The following CCND1 variants were observed in gnomAD, a reference collection of about 807,000 sequenced individuals.
CCND1 encodes G1/S-specific cyclin-D1.
In CCND1, 9 loss-of-function variants were observed where a neutral mutation model predicts 26.1. The observed-to-expected ratio is 0.35, with a 90% CI of 0.21 to 0.60. The LOEUF is 0.60. Among genes scored for constraint, CCND1 ranks in the 20% least tolerant of loss-of-function variants. The pLI is 0.79. For missense variants in CCND1, 335 were observed against 392.9 expected (o/e 0.85, Z 1.25); for synonymous variants, 194 against 166.1 (o/e 1.17, Z -1.29).
intron 4 of CCND1, among the ~76,000 whole-genome samples, chr11:69,649,243 G>A (rs1413019568): frequency 4.6e-5 from 7 of 152,194 alleles, no homozygotes; most frequent in South Asian, 2.1e-4. Flanking sequence ...AATGAAACTC[G>A]CGTCTGCACT....
chr11:69,649,270 A>G (rs1855825283), intron 4 of CCND1, among the ~76,000 whole-genome samples: 1 of 151,984 alleles, frequency 6.6e-6, no homozygotes, highest in Non-Finnish European at 1.5e-5. Context: ...TTCGAACTCC[A>G]CGCCCTGAGT....
At chr11:69,648,231 GC>G (rs1590915468) in intron 4 of CCND1, 89 bp downstream of exon 4, 8 of 1,497,630 alleles carry the variant, frequency 5.3e-6, no homozygotes, top group Admixed American at 3.6e-5. Context: ...TGGTGCCAAG[GC>G]CCCCAAGGGT....
In CCND1 at chr11:69,647,815, C is replaced by G. The variant is rs182399526; in HGVS notation, c.575-179C>G. The G allele has an allele frequency of 8.5e-5, 56 of 654,978 alleles. No individual in the cohort carries two copies. In the East Asian group the frequency reaches 1.3e-3, roughly 15 times the overall value. The allele number at this position is 654,978 out of a possible 1,614,324, so 40.6% of individuals were successfully genotyped here. The stretch of plus-strand genomic sequence containing the variant: ...GGTCCGTGGGCCAGGCTCTTGCTCT[C>G]CGAGTGCCCAGGGATGGCTGGAGGC... On this transcript the variant is annotated intron_variant, in intron 3 of 4. Coordinates refer to ENST00000227507, the MANE Select transcript of CCND1 (RefSeq NM_053056.3).
intron 4 of CCND1, among the ~76,000 whole-genome samples, chr11:69,649,768 G>A (rs1459322712): frequency 2.6e-5 from 4 of 152,248 alleles, no homozygotes; most frequent in South Asian, 2.1e-4. Context: ...GGTCATGGGC[G>A]AGGGACGGGC....
rs1454450316 is a variant in CCND1, at chr11:69,652,180, G to C, written c.*898G>C. ...ACTCTTCCTATTTTTGTAGTGACCT[G>C]TTTATGAGATGCTGGTTTTCTACCC... is the stretch of plus-strand genomic sequence containing the variant. On this transcript the variant is annotated 3_prime_UTR_variant, in exon 5 of 5. Transcript: ENST00000227507. The C allele has an allele frequency of 5.6e-5, 13 of 233,692 alleles. No homozygotes were observed. The East Asian group carries it at 7.8e-4, about 14-fold the overall frequency. 14.5% of individuals were successfully genotyped at this position (233,692 alleles called of 1,614,324 possible). A position where few individuals can be genotyped will look rare whatever the true frequency, so the allele number is the denominator to read the frequency against.
chr11:69,642,915 G>T (rs1855727552), intron 1 of CCND1, 116 bp from the exon 2 acceptor site: 2 of 583,664 alleles, frequency 3.4e-6, no homozygotes, highest in Admixed American at 4.4e-5. Flanking sequence ...CCCCAGCCCC[G>T]ACCCCTCGGC....
Position 69,641,368 on chromosome 11 carries a change from G to T in CCND1, c.55G>T (p.Asp19Tyr), listed in dbSNP as rs2120080084. Residue 19 changes from aspartate to tyrosine, a missense_variant, in exon 1 of 5, where the codon GAT becomes TAT. By Grantham distance (160) the Asp-to-Tyr change is radical. Coordinates refer to ENST00000227507, the MANE Select transcript of CCND1 (RefSeq NM_053056.3). ...EVETIRRAYP[D>Y]ANLLNDRVLR... The stretch of plus-strand genomic sequence containing the variant: ...GGAAACCATCCGCCGCGCGTACCCC[G>T]ATGCCAACCTCCTCAACGACCGGGT... 6.2e-7 allele frequency: 1 copy of T among 1,613,306 alleles called. No homozygotes were observed. Among genetic ancestry groups the T allele is most frequent in the Non-Finnish European group, 8.5e-7 (1 of 1,180,020 alleles).
chr11:69,653,746 C>T lies in CCND1; in HGVS notation c.*2464C>T, dbSNP rs1438586768. On this transcript the variant is annotated 3_prime_UTR_variant, in exon 5 of 5. Transcript: ENST00000227507. Reference sequence around the variant, plus strand: ...GTTTTTACAGCTGTGTTATTCTTTGCGTGTAGCTATGGAAGTTGCATAATT... The same window carrying T: ...GTTTTTACAGCTGTGTTATTCTTTGTGTGTAGCTATGGAAGTTGCATAATT... 4 of 285,494 alleles carry T rather than the reference C, an allele frequency of 1.4e-5. No individual in the cohort carries two copies. Among genetic ancestry groups the T allele is most frequent in the African/African-American group, 8.6e-5 (4 of 46,620 alleles). 17.7% of individuals were successfully genotyped at this position (285,494 alleles called of 1,614,324 possible).
Position 69,654,434 on chromosome 11 carries a change from GAC to G in CCND1, c.*3154_*3155del, listed in dbSNP as rs1855903488. The G allele has an allele frequency of 1.5e-6, 1 of 679,986 alleles. No individual in the cohort carries two copies. Among genetic ancestry groups the G allele is most frequent in the African/African-American group, 1.8e-5 (1 of 56,550 alleles). The allele number at this position is 679,986 out of a possible 1,614,324, so 42.1% of individuals were successfully genotyped here. Reference sequence around the variant, plus strand: ...GCATGTTTCCAGCAGAAGACAAAAAGACAAACATGAAAGTCTAGAAATAAAAC... The same window carrying G: ...GCATGTTTCCAGCAGAAGACAAAAAGAAACATGAAAGTCTAGAAATAAAAC... On this transcript the variant is annotated 3_prime_UTR_variant, in exon 5 of 5. Transcript: ENST00000227507. The surrounding 1 kb of genome is among the most constrained non-coding windows in gnomAD (Gnocchi z 6.3).
rs1195382359 is a variant in CCND1 at position 69,647,918 on chromosome 11, C to T, written c.575-76C>T. 1.0e-5 allele frequency: 16 copies of T among 1,555,772 alleles called. No homozygotes were observed. The Admixed American group carries it at 1.2e-4, about 12-fold the overall frequency. On this transcript the variant is annotated intron_variant, in intron 3 of 4. Transcript: ENST00000227507. ...GGGCCGCTTGCTCAGAGCCAGCACACAGGGATGCCCGGATCACGGGGGCCC... is the reference window on the plus strand; with the variant it reads ...GGGCCGCTTGCTCAGAGCCAGCACATAGGGATGCCCGGATCACGGGGGCCC...
At position 69,654,253 on chromosome 11, in the gene CCND1, GTTGTGTGTA is replaced by G. The variant is rs1855899115; in HGVS notation, c.*2973_*2981del. On this transcript the variant is annotated 3_prime_UTR_variant, in exon 5 of 5. Transcript: ENST00000227507. This position sits in a 1 kb window ranked among gnomAD's most constrained non-coding sequence, Gnocchi z 6.3. The stretch of plus-strand genomic sequence containing the variant: ...TGGGGCAAGGGCACAAGTCCTGGAT[GTTGTGTGTA>G]TCGAGAGGCCAAAGGCTGGTGGCAA... The G allele has an allele frequency of 2.8e-6, 2 of 702,560 alleles. No individual in the cohort carries two copies. The highest frequency in any genetic ancestry group is 5.2e-6 in the Non-Finnish European group (2 of 384,996). The allele number at this position is 702,560 out of a possible 1,614,324, so 43.5% of individuals were successfully genotyped here. A position where few individuals can be genotyped will look rare whatever the true frequency, so the allele number is the denominator to read the frequency against.
intron 1 of CCND1, among the ~76,000 whole-genome samples, chr11:69,642,680 C>T (rs951036580): frequency 2.6e-5 from 4 of 152,100 alleles, no homozygotes; most frequent in Middle Eastern, 3.2e-3. Flanking sequence ...GTTCCGCGGC[C>T]CCGCACCCCA....
intron 3 of CCND1, among the ~76,000 whole-genome samples, chr11:69,646,132 G>A (rs1292044243): frequency 1.3e-5 from 2 of 152,224 alleles, no homozygotes; most frequent in Non-Finnish European, 2.9e-5. Flanking sequence ...CTGGAGACGG[G>A]GGGGTGCACA....
intron 3 of CCND1, among the ~76,000 whole-genome samples, chr11:69,647,210 G>A (rs529600750): frequency 4.6e-5 from 7 of 152,004 alleles, no homozygotes; most frequent in African/African-American, 1.2e-4. Flanking sequence ...TTTTGTCATC[G>A]GCCAGAAATA....
At chr11:69,647,895 G>C in intron 3 of CCND1, 99 bp from the exon 4 acceptor site, 1 of 1,408,494 alleles carries the variant, frequency 7.1e-7, no homozygotes, top group South Asian at 1.3e-5. Context: ...TTCAGGCCGG[G>C]CCGCTTGCTC....
At position 69,651,590 on chromosome 11, in the gene CCND1, A is replaced by G; in HGVS notation, c.*308A>G. 3.4e-6 allele frequency: 1 copy of G among 296,600 alleles called. No homozygotes were observed. Among genetic ancestry groups the G allele is most frequent in the Non-Finnish European group, 6.2e-6 (1 of 161,372 alleles). 18.4% of individuals were successfully genotyped at this position (296,600 alleles called of 1,614,324 possible). On this transcript the variant is annotated 3_prime_UTR_variant, in exon 5 of 5. Coordinates refer to ENST00000227507, the MANE Select transcript of CCND1 (RefSeq NM_053056.3). ...TGATAGAGGATTTTATACCCCAATA[A>G]TCAACTCGTTTTTATATTAATGTAC... is the stretch of plus-strand genomic sequence containing the variant.
rs759345822 is a variant in CCND1 at position 69,641,510 on chromosome 11, A to C, written c.197A>C (p.Glu66Ala). The part of the protein sequence containing the change: ...MRKIVATWML[E>A]VCEEQKCEEE... ...AAGATCGTCGCCACCTGGATGCTGG[A>C]GGTGCGGGGCTTCGGGCGGCTCTCT... The change falls in exon 1 of 5, where the codon GAG becomes GCG. Residue 66 changes from glutamate (E) to alanine (A), a missense_variant and splice_region_variant. Physicochemically the swap from Glu to Ala is moderately radical, Grantham distance 107. Coordinates refer to ENST00000227507, the MANE Select transcript of CCND1 (RefSeq NM_053056.3). 2.5e-6 allele frequency: 4 copies of C among 1,612,666 alleles called. No homozygotes were observed. In the African/African-American group the frequency reaches 4.0e-5, roughly 16 times the overall value.
intron 1 of CCND1, among the ~76,000 whole-genome samples, chr11:69,641,997 G>A (rs1855709660): frequency 1.4e-5 from 2 of 145,166 alleles, no homozygotes; most frequent in South Asian, 4.8e-4. Context: ...CAAAGCAAAA[G>A]TGTTTATTAA....
intron 3 of CCND1, among the ~76,000 whole-genome samples, chr11:69,645,712 A>G (rs1378300631): frequency 6.6e-6 from 1 of 152,188 alleles, no homozygotes; most frequent in East Asian, 1.9e-4. Context: ...AGTCAGAAAC[A>G]GGTTGAAGGA....
Sources: allele counts gnomAD v4.1 joint callset (sites outside exome capture counted in the v4.1 genomes callset), GRCh38; gene constraint gnomAD v4.1.1; non-coding constraint Gnocchi (gnomAD v3.1); transcripts MANE v1.5; gene names NCBI Gene and HGNC (gene_info 2026-07-23, HGNC 2026-07-21).